The following SPAG16 variants were observed in gnomAD, a reference collection of about 807,000 sequenced individuals.
SPAG16 encodes sperm-associated antigen 16 protein.
A neutral mutation model predicts 80.4 loss-of-function variants in SPAG16; 86 were observed. The ratio of observed to expected loss-of-function variants is 1.07; its 90% CI spans 0.90 to 1.28. The LOEUF is 1.28. SPAG16 is among the 50% of genes most tolerant of loss of function. The pLI is 0.00. For missense variants in SPAG16, 870 were observed against 765.3 expected (o/e 1.14, Z -1.61); for synonymous variants, 294 against 265.9 (o/e 1.11, Z -1.03).
intron 15 of SPAG16, among the ~76,000 whole-genome samples, chr2:214,188,518 TA>T (rs1462350408): frequency 6.6e-6 from 1 of 152,196 alleles, no homozygotes; most frequent in Non-Finnish European, 1.5e-5. Context: ...CTTATTAAAC[TA>T]AATATCTGGA....
intron 10 of SPAG16, among the ~76,000 whole-genome samples, chr2:213,838,547 T>A (rs921354196): frequency 2.0e-5 from 3 of 152,206 alleles, no homozygotes; most frequent in Non-Finnish European, 2.9e-5. Context: ...CAGAACTCTG[T>A]CACATCAAGA....
chr2:213,695,853 G>A (rs1335780611), intron 10 of SPAG16, among the ~76,000 whole-genome samples: 1 of 152,194 alleles, frequency 6.6e-6, no homozygotes, highest in African/African-American at 2.4e-5. Context: ...GCTTAATGTA[G>A]GTTATGCAGG....
chr2:214,191,812 AT>A (rs1436682203), intron 15 of SPAG16, among the ~76,000 whole-genome samples: 11 of 151,910 alleles, frequency 7.2e-5, no homozygotes, highest in Non-Finnish European at 1.6e-4. Flanking sequence ...CTAGAAAACG[AT>A]TTCCGTATAG....
intron 15 of SPAG16, among the ~76,000 whole-genome samples, chr2:214,315,719 T>C (rs1695645138): frequency 6.6e-6 from 1 of 151,724 alleles, no homozygotes; most frequent in Non-Finnish European, 1.5e-5. Flanking sequence ...TTTTGTAGAG[T>C]TGGGGTCTCA....
intron 15 of SPAG16, among the ~76,000 whole-genome samples, chr2:214,226,307 A>T (rs2058696516): frequency 1.3e-5 from 2 of 152,148 alleles, no homozygotes; most frequent in Middle Eastern, 3.4e-3. Flanking sequence ...TGAAAAATGC[A>T]CATACTTTTT....
At chr2:213,577,883 G>A (rs780998325) in intron 10 of SPAG16, among the ~76,000 whole-genome samples, 5 of 151,966 alleles carry the variant, frequency 3.3e-5, no homozygotes, top group Non-Finnish European at 5.9e-5. Flanking sequence ...TCTGTTCCTG[G>A]GGTCACCATC....
At chr2:213,614,286 A>G (rs2061526672) in intron 10 of SPAG16, among the ~76,000 whole-genome samples, 1 of 152,186 alleles carries the variant, frequency 6.6e-6, no homozygotes, top group Non-Finnish European at 1.5e-5. Context: ...TTTTGTAACA[A>G]ATTTCATTTA....
At chr2:214,253,639 C>T (rs945824381) in intron 15 of SPAG16, among the ~76,000 whole-genome samples, 2 of 152,046 alleles carry the variant, frequency 1.3e-5, no homozygotes, top group African/African-American at 4.8e-5. Context: ...CTTCTGAGGC[C>T]TCTGTTCTGT....
intron 11 of SPAG16, among the ~76,000 whole-genome samples, chr2:213,888,822 C>T (rs2076667174): frequency 6.6e-6 from 1 of 151,786 alleles, no homozygotes; most frequent in African/African-American, 2.4e-5. Context: ...AAAATAAAAA[C>T]ATATTTGGAG....
chr2:213,927,903 T>C (rs1369236859), intron 11 of SPAG16, among the ~76,000 whole-genome samples: 1 of 152,234 alleles, frequency 6.6e-6, no homozygotes, highest in Non-Finnish European at 1.5e-5. Flanking sequence ...TTAAATTTTT[T>C]TACATGCATG....
chr2:213,774,147 T>A (rs2069427047), intron 10 of SPAG16, among the ~76,000 whole-genome samples: 1 of 152,170 alleles, frequency 6.6e-6, no homozygotes, highest in Non-Finnish European at 1.5e-5. Flanking sequence ...TTGGTCTCTT[T>A]ATCTTGACTA....
intron 13 of SPAG16, among the ~76,000 whole-genome samples, chr2:214,058,489 A>G (rs1043205081): frequency 2.0e-5 from 3 of 152,150 alleles, no homozygotes; most frequent in African/African-American, 7.2e-5. Context: ...ATCAAAGGTC[A>G]CTAATCATAG....
chr2:214,409,674 G>C (rs374558035), intron 15 of SPAG16, among the ~76,000 whole-genome samples: 76 of 152,228 alleles, frequency 5.0e-4, no homozygotes, highest in South Asian at 4.6e-3. Context: ...AATGTATATT[G>C]AGTTGTAAGT....
chr2:214,379,853 C>T (rs73989466), intron 15 of SPAG16, among the ~76,000 whole-genome samples: 6,379 of 152,282 alleles, frequency 0.042, 441 homozygotes, highest in African/African-American at 0.15. Context: ...AGAATTCTTC[C>T]TCTTCATTAT....
chr2:213,804,823 G>C (rs1289254068), intron 10 of SPAG16, among the ~76,000 whole-genome samples: 2 of 152,188 alleles, frequency 1.3e-5, no homozygotes, highest in Non-Finnish European at 2.9e-5. Context: ...TGAAAGGAGA[G>C]AGCTCTGGGA....
At chr2:213,444,727 A>T (rs1239444290) in intron 9 of SPAG16, among the ~76,000 whole-genome samples, 1 of 152,134 alleles carries the variant, frequency 6.6e-6, no homozygotes, top group African/African-American at 2.4e-5. Context: ...TTTCATAGGA[A>T]AAGAAAAAAA....
chr2:214,118,774 A>G (rs2161020), intron 14 of SPAG16, among the ~76,000 whole-genome samples: 17,055 of 148,672 alleles, frequency 0.11, 1,362 homozygotes, highest in Non-Finnish European at 0.18. Context: ...ATCAATGTCC[A>G]TACTGCCCAA....
At chr2:214,230,769 G>A (rs1284370846) in intron 15 of SPAG16, among the ~76,000 whole-genome samples, 1 of 151,904 alleles carries the variant, frequency 6.6e-6, no homozygotes, top group Non-Finnish European at 1.5e-5. Flanking sequence ...CAAGAGAGAA[G>A]GCCATTGTTG....
chr2:213,524,832 A>T (rs561667400), intron 10 of SPAG16, among the ~76,000 whole-genome samples: 1 of 152,320 alleles, frequency 6.6e-6, no homozygotes, highest in East Asian at 1.9e-4. Context: ...GCCTTGTCTA[A>T]GAAGAGACTT....
Sources: allele counts gnomAD v4.1 joint callset (sites outside exome capture counted in the v4.1 genomes callset), GRCh38; gene constraint gnomAD v4.1.1; transcripts MANE v1.5; gene names NCBI Gene and HGNC (gene_info 2026-07-23, HGNC 2026-07-21).